USP32: variants seen among roughly 807,000 people sequenced by gnomAD.
USP32 encodes ubiquitin carboxyl-terminal hydrolase 32.
USP32 carries 59 observed loss-of-function variants against 204.8 expected under a neutral mutation model. The observed-to-expected ratio is 0.29, with a 90% CI of 0.23 to 0.36. USP32 has a LOEUF of 0.36. USP32 is among the 10% of genes least tolerant of loss of function. USP32 has a pLI of 1.00. For synonymous variants in USP32, 517 were observed against 678.4 expected (o/e 0.76, Z 3.70); for missense variants, 1,160 against 1,946.4 (o/e 0.60, Z 7.60).
intron 1 of USP32, among the ~76,000 whole-genome samples, chr17:60,353,586 C>A (rs1049493867): frequency 1.3e-5 from 2 of 151,940 alleles, no homozygotes; most frequent in Non-Finnish European, 2.9e-5. Flanking sequence ...ACTAAAAATA[C>A]AAAAATTAGC....
intron 26 of USP32, among the ~76,000 whole-genome samples, chr17:60,205,166 A>G (rs1280142226): frequency 6.6e-6 from 1 of 152,246 alleles, no homozygotes; most frequent in African/African-American, 2.4e-5. Flanking sequence ...TATACGGATA[A>G]GGAATGTCAT....
At chr17:60,413,876 GAAAAAA>G (rs753405307) in intron 1 of USP32, among the ~76,000 whole-genome samples, 3 of 95,106 alleles carry the variant, frequency 3.2e-5, no homozygotes, top group Admixed American at 2.5e-4. Flanking sequence ...AAAAAAAAAA[GAAAAAA>G]AAAAAAAAAA....
rs1381971544 is a variant in USP32 at position 60,234,320 on chromosome 17, A to G, written c.1239+1818T>C. Among the ~76,000 whole-genome samples the G allele has an allele frequency of 3.3e-5, 5 of 151,268 alleles. No individual in the cohort carries two copies. In the East Asian group the frequency reaches 1.0e-3, roughly 30 times the overall value. ...AGTAGAGACGGGGTTTCACCGTGTTAGCCAGGATGGTCTCGATCTCCCGAC... is the reference window on the plus strand; with the variant it reads ...AGTAGAGACGGGGTTTCACCGTGTTGGCCAGGATGGTCTCGATCTCCCGAC... On this transcript the variant is annotated intron_variant, in intron 12 of 33. Transcript: ENST00000300896.
chr17:60,236,754 C>A (rs1410694712), intron 11 of USP32, among the ~76,000 whole-genome samples: 1 of 152,148 alleles, frequency 6.6e-6, no homozygotes, highest in Non-Finnish European at 1.5e-5. Context: ...ATTCCTATTA[C>A]CACCCTCAGC....
intron 5 of USP32, among the ~76,000 whole-genome samples, chr17:60,276,512 G>C (rs557193313): frequency 7.9e-5 from 12 of 152,128 alleles, no homozygotes; most frequent in Admixed American, 6.5e-4. Context: ...TAGTAGATCA[G>C]CATACAAAAA....
At chr17:60,342,900 C>CGTT in intron 2 of USP32, among the ~76,000 whole-genome samples, 1 of 152,310 alleles carries the variant, frequency 6.6e-6, no homozygotes, top group African/African-American at 2.4e-5. Flanking sequence ...AACGCCCCAC[C>CGTT]CTGCTTCACC....
chr17:60,358,819 A>C (rs1259252194), intron 1 of USP32, among the ~76,000 whole-genome samples: 1 of 152,234 alleles, frequency 6.6e-6, no homozygotes, highest in Non-Finnish European at 1.5e-5. Flanking sequence ...CACCACTGAC[A>C]ACTAAGAAAA....
chr17:60,320,426 G>A lies in USP32; in HGVS notation c.187-18722C>T, dbSNP rs75426674. On this transcript the variant is annotated intron_variant, in intron 2 of 33. Coordinates refer to ENST00000300896, the MANE Select transcript of USP32 (RefSeq NM_032582.4). ...AGTGTCACAGGTAATCAGAGCCTAT[G>A]TCAGCAGCTCAAGGGCACCATCCCA... Among the ~76,000 whole-genome samples, 248 of 152,280 alleles carry A rather than the reference G, an allele frequency of 1.6e-3. 1 individual carries two copies. Among genetic ancestry groups the A allele is most frequent in the African/African-American group, 4.9e-3 (202 of 41,546 alleles).
intron 2 of USP32, among the ~76,000 whole-genome samples, chr17:60,310,624 G>GGGA: frequency 6.6e-6 from 1 of 152,226 alleles, no homozygotes; most frequent in East Asian, 1.9e-4. Flanking sequence ...ACTTGAACCC[G>GGGA]GGAGGCGGAG....
At chr17:60,291,876 C>A (rs2087286334) in intron 4 of USP32, among the ~76,000 whole-genome samples, 1 of 151,966 alleles carries the variant, frequency 6.6e-6, no homozygotes, top group Non-Finnish European at 1.5e-5. Context: ...CTACCACAGT[C>A]TTATGATGTC....
chr17:60,329,093 G>C (rs1368213958), intron 2 of USP32, among the ~76,000 whole-genome samples: 1 of 152,140 alleles, frequency 6.6e-6, no homozygotes, highest in Non-Finnish European at 1.5e-5. Context: ...TAAAGATGCT[G>C]TAACAACACT....
chr17:60,374,933 A>T (rs2089511150), intron 1 of USP32, among the ~76,000 whole-genome samples: 1 of 152,224 alleles, frequency 6.6e-6, no homozygotes, highest in Non-Finnish European at 1.5e-5. Flanking sequence ...CATCTCAGAA[A>T]AAGCAAGATA....
chr17:60,292,817 A>C (rs2087316946), intron 4 of USP32, among the ~76,000 whole-genome samples: 1 of 151,208 alleles, frequency 6.6e-6, no homozygotes, highest in African/African-American at 2.4e-5. Context: ...TTACTCCTCT[A>C]CTCAAAACCT....
intron 11 of USP32, among the ~76,000 whole-genome samples, chr17:60,242,503 T>C (rs1313615123): frequency 1.3e-5 from 2 of 152,178 alleles, no homozygotes; most frequent in Non-Finnish European, 2.9e-5. Flanking sequence ...CTCCGCCTCC[T>C]GGGCTCAAGT....
At chr17:60,354,966 C>T (rs1006693071) in intron 1 of USP32, among the ~76,000 whole-genome samples, 2 of 152,162 alleles carry the variant, frequency 1.3e-5, no homozygotes, top group African/African-American at 4.8e-5. Flanking sequence ...ATCACTTGAA[C>T]CCAGGAGGTG....
intron 2 of USP32, chr17:60,315,834 G>A (rs1490317427): frequency 6.5e-6 from 1 of 154,376 alleles, no homozygotes; most frequent in Non-Finnish European, 1.4e-5. Flanking sequence ...TCTATAGCAT[G>A]GCCTGTACAA....
At chr17:60,312,258 T>C (rs1406684662) in intron 2 of USP32, among the ~76,000 whole-genome samples, 4 of 152,212 alleles carry the variant, frequency 2.6e-5, no homozygotes, top group African/African-American at 4.8e-5. Context: ...AATTCAGCAC[T>C]GATGAGCTCA....
intron 27 of USP32, among the ~76,000 whole-genome samples, chr17:60,196,270 C>CAAAAAAAAAAAAAAA (rs749074954): frequency 7.7e-6 from 1 of 129,224 alleles, no homozygotes; most frequent in Admixed American, 7.4e-5. Context: ...ATCCCCACGC[C>CAAAAAAAAAAAAAAA]AAAAAAAGAA....
intron 1 of USP32, among the ~76,000 whole-genome samples, chr17:60,413,004 T>C (rs2090030206): frequency 6.6e-6 from 1 of 152,144 alleles, no homozygotes; most frequent in Non-Finnish European, 1.5e-5. Context: ...CCTGACAAGA[T>C]ATTTTTAGAG....
Sources: gnomAD v4.1 joint callset for allele counts (sites outside exome capture counted in the v4.1 genomes callset) on GRCh38, gnomAD v4.1.1 for gene constraint, MANE v1.5 for transcripts, NCBI Gene and HGNC (gene_info 2026-07-23, HGNC 2026-07-21) for gene names.